RPS6KC1: variants seen among roughly 807,000 people sequenced by gnomAD.
RPS6KC1 encodes the protein ribosomal protein S6 kinase C1.
In RPS6KC1, 54 loss-of-function variants were observed where a neutral mutation model predicts 103.8. The observed-to-expected ratio is 0.52, with a 90% confidence interval of 0.42 to 0.65. The LOEUF is 0.65. RPS6KC1 is among the 30% of genes least tolerant of loss of function. The probability of loss-of-function intolerance (pLI) is 0.00; values close to 1 mark genes in which losing one functional copy is unlikely to be tolerated. For synonymous variants in RPS6KC1, 439 were observed against 438.7 expected, an observed-to-expected ratio of 1.00 and a Z score of -0.01; for missense variants, 1,151 against 1,253.8, an observed-to-expected ratio of 0.92 and a Z score of 1.24.
intron 6 of RPS6KC1, among the ~76,000 whole-genome samples, chr1:213,154,438 G>A (rs956361787): frequency 2.0e-5 from 3 of 152,212 alleles, no homozygotes; most frequent in African/African-American, 7.2e-5. Context: ...GTGTTATCTT[G>A]TATTGCACTG....
chr1:213,658,186 T>C, the RPS6KC1 span, among the ~76,000 whole-genome samples: 7 of 152,296 alleles, frequency 4.6e-5, no homozygotes, highest in East Asian at 3.9e-4. Context: ...GTGGGTTACA[T>C]AGAGGGAGAT....
At chr1:213,301,955 C>T in the RPS6KC1 span, among the ~76,000 whole-genome samples, 5 of 152,086 alleles carry the variant, frequency 3.3e-5, no homozygotes, top group African/African-American at 9.7e-5. Flanking sequence ...AGGCAAGTCT[C>T]GAACTCCTGG....
At chr1:213,236,203 C>T (rs1573506660) in intron 10 of RPS6KC1, among the ~76,000 whole-genome samples, 1 of 152,158 alleles carries the variant, frequency 6.6e-6, no homozygotes, top group African/African-American at 2.4e-5. Context: ...CACCCCTGTC[C>T]CCATCCACGG....
At chr1:213,486,132 G>A in the RPS6KC1 span, among the ~76,000 whole-genome samples, 1 of 152,084 alleles carries the variant, frequency 6.6e-6, no homozygotes, top group Admixed American at 6.6e-5. Context: ...AGTCCTTTTG[G>A]CAAAGATAAT....
At chr1:213,213,616 A>G (rs1352305813) in intron 8 of RPS6KC1, among the ~76,000 whole-genome samples, 2 of 152,176 alleles carry the variant, frequency 1.3e-5, no homozygotes, top group Non-Finnish European at 2.9e-5. Flanking sequence ...TTTATCTTTA[A>G]TGATCCTAAT....
chr1:213,747,564 GA>G, the RPS6KC1 span, among the ~76,000 whole-genome samples: 1 of 152,138 alleles, frequency 6.6e-6, no homozygotes, highest in Non-Finnish European at 1.5e-5. Flanking sequence ...TTTAAGGTGA[GA>G]AAAATATAGC....
chr1:213,369,417 C>A, the RPS6KC1 span, among the ~76,000 whole-genome samples: 1 of 152,196 alleles, frequency 6.6e-6, no homozygotes, highest in Non-Finnish European at 1.5e-5. Flanking sequence ...ACCAAAGACC[C>A]CTGGCCCTAT....
At chr1:213,689,511 G>T in the RPS6KC1 span, among the ~76,000 whole-genome samples, 45 of 152,280 alleles carry the variant, frequency 3.0e-4, no homozygotes, top group African/African-American at 1.0e-3. Flanking sequence ...CTCCCCACAG[G>T]GTATTTCAAG....
chr1:213,152,032 G>A (rs2089120065), intron 6 of RPS6KC1, among the ~76,000 whole-genome samples: 1 of 140,734 alleles, frequency 7.1e-6, no homozygotes, highest in Non-Finnish European at 1.5e-5. Flanking sequence ...CCTCCCGGAC[G>A]GGGCAGCTGG....
chr1:213,817,173 AG>A, the RPS6KC1 span, among the ~76,000 whole-genome samples: 2 of 152,154 alleles, frequency 1.3e-5, no homozygotes, highest in Non-Finnish European at 1.5e-5. Context: ...CATCACTTGA[AG>A]ATGGGACCCT....
intron 1 of RPS6KC1, 77 bp from the exon 2 acceptor site, chr1:213,070,929 A>G (rs534632104): frequency 8.7e-5 from 76 of 876,976 alleles, no homozygotes; most frequent in Non-Finnish European, 1.2e-4. Context: ...TACAAATACT[A>G]TTGGAAGTTA....
chr1:213,583,460 A>G, the RPS6KC1 span, among the ~76,000 whole-genome samples: 1 of 152,144 alleles, frequency 6.6e-6, no homozygotes, highest in African/African-American at 2.4e-5. Flanking sequence ...GCTCTTTTCT[A>G]CCATGGACAC....
At chr1:213,773,249 G>GCCAAACTTCCCTGTT in the RPS6KC1 span, among the ~76,000 whole-genome samples, 1 of 151,916 alleles carries the variant, frequency 6.6e-6, no homozygotes, top group South Asian at 2.1e-4. Flanking sequence ...CCCTGTTGCA[G>GCCAAACTTCCCTGTT]GCCCTTTGGA....
intron 4 of RPS6KC1, among the ~76,000 whole-genome samples, chr1:213,114,655 C>G (rs888805175): frequency 1.3e-5 from 2 of 151,144 alleles, no homozygotes; most frequent in Non-Finnish European, 3.0e-5. Context: ...GGGAATGCTT[C>G]CAGTTTTTGC....
intron 6 of RPS6KC1, among the ~76,000 whole-genome samples, chr1:213,155,515 T>A (rs2148002323): frequency 2.0e-5 from 3 of 152,260 alleles, no homozygotes; most frequent in Admixed American, 2.0e-4. Flanking sequence ...TGGTCCAGTT[T>A]TCCTTTTTGC....
chr1:213,526,405 C>T, the RPS6KC1 span, among the ~76,000 whole-genome samples: 5 of 152,116 alleles, frequency 3.3e-5, no homozygotes, highest in African/African-American at 1.2e-4. Flanking sequence ...TAATCAAGAA[C>T]TTAGAGTAAG....
At chr1:213,366,004 A>G in the RPS6KC1 span, among the ~76,000 whole-genome samples, 1 of 152,216 alleles carries the variant, frequency 6.6e-6, no homozygotes, top group Non-Finnish European at 1.5e-5. Flanking sequence ...AAGGGTAGGG[A>G]ATTAACTTGC....
At chr1:213,562,590 G>T in the RPS6KC1 span, among the ~76,000 whole-genome samples, 2 of 151,814 alleles carry the variant, frequency 1.3e-5, no homozygotes, top group Admixed American at 1.3e-4. Context: ...GGATGGTCTT[G>T]ATGTCCTGAC....
the RPS6KC1 span, among the ~76,000 whole-genome samples, chr1:213,487,799 G>A: frequency 6.6e-6 from 1 of 152,064 alleles, no homozygotes; most frequent in African/African-American, 2.4e-5. Context: ...GACAAGCAAA[G>A]CACCTAGAAT....
Sources: allele counts gnomAD v4.1 joint callset (sites outside exome capture counted in the v4.1 genomes callset), GRCh38; gene constraint gnomAD v4.1.1; transcripts MANE v1.5; gene names NCBI Gene and HGNC (gene_info 2026-07-23, HGNC 2026-07-21).